The following NPAS2 variants were observed in gnomAD, a reference collection of about 807,000 sequenced individuals.
NPAS2 encodes neuronal PAS domain protein 2, also known as neuronal PAS domain-containing protein 2.
In NPAS2, 23 loss-of-function variants were observed where a neutral mutation model predicts 107.5. The ratio of observed to expected loss-of-function variants is 0.21; its 90% CI spans 0.15 to 0.30. NPAS2 has a LOEUF of 0.30. NPAS2 is among the 10% of genes least tolerant of loss of function. NPAS2 has a pLI of 1.00. For synonymous variants in NPAS2, 403 were observed against 417.5 expected, an observed-to-expected ratio of 0.97 and a Z score of 0.42; for missense variants, 756 against 1,043.3, an observed-to-expected ratio of 0.72 and a Z score of 3.79.
At chr2:100,917,673 T>A (rs1682973620) in intron 2 of NPAS2, among the ~76,000 whole-genome samples, 1 of 152,212 alleles carries the variant, frequency 6.6e-6, no homozygotes, top group South Asian at 2.1e-4. Context: ...GGAAATACTA[T>A]GAACAATTAG....
chr2:100,914,380 C>T (rs1477122866), intron 2 of NPAS2, among the ~76,000 whole-genome samples: 1 of 152,172 alleles, frequency 6.6e-6, no homozygotes, highest in Admixed American at 6.5e-5. Flanking sequence ...GCCTGAGGTG[C>T]ACATCTACTC....
intron 16 of NPAS2, chr2:100,986,641 AT>A (rs1271302910): frequency 2.6e-5 from 4 of 152,230 alleles, no homozygotes; most frequent in Non-Finnish European, 5.9e-5. Context: ...CAGGTCTGTC[AT>A]TAAATTATTA....
rs139141368 is a variant in NPAS2, at chr2:100,860,456, C to A, written c.-23+40042C>A. Among the ~76,000 whole-genome samples, 360 of 152,286 alleles carry A rather than the reference C, an allele frequency of 2.4e-3. 4 individuals are homozygous for A. The highest frequency in any genetic ancestry group is 8.3e-3 in the African/African-American group (346 of 41,558). ...TTAATTATTATGTTGTGGGAGATATCCTGAGACTATGTAAATATATTGTTT... is the reference window on the plus strand; with the variant it reads ...TTAATTATTATGTTGTGGGAGATATACTGAGACTATGTAAATATATTGTTT... On this transcript the variant is annotated intron_variant, in intron 1 of 20. Coordinates refer to ENST00000335681, the MANE Select transcript of NPAS2 (RefSeq NM_002518.4).
chr2:100,990,368 T>C lies in NPAS2; in HGVS notation c.1940T>C (p.Leu647Pro), dbSNP rs1390891484. The C allele has an allele frequency of 1.9e-6, 3 of 1,614,104 alleles. No individual in the cohort carries two copies. The Admixed American group carries it at 5.0e-5, about 27-fold the overall frequency. Residue 647 changes from leucine to proline, a missense_variant, in exon 18 of 21, where the codon CTG (leucine) becomes CCG (proline). Around this residue, in one of 4 missense-constraint regions of NPAS2, gnomAD observed 496 missense variants for 594.4 expected, o/e 0.83. Transcript: ENST00000335681. The stretch of plus-strand genomic sequence containing the variant: ...GCTGCGCTCCCGCCAAGTCTGAATC[T>C]GACCACACCTGCTTCCACCTCCCAG... ...ATAALPPSLN[L>P]TTPASTSQDA...
Position 100,968,161 on chromosome 2 carries a change from A to G in NPAS2, c.908-120A>G. On this transcript the variant is annotated intron_variant, in intron 10 of 20. Transcript: ENST00000335681. This position sits in a 1 kb window ranked among gnomAD's most constrained non-coding sequence, Gnocchi z 5.3. ...CACTTAAAATACAGGGCAACCGGGG[A>G]AACAAGCCATGTTTGGTATTGTCTT... is the stretch of plus-strand genomic sequence containing the variant. 9.4e-7 allele frequency: 1 copy of G among 1,066,896 alleles called. No homozygotes were observed. Among genetic ancestry groups the G allele is most frequent in the Non-Finnish European group, 1.4e-6 (1 of 725,298 alleles). 66.1% of individuals were successfully genotyped at this position (1,066,896 alleles called of 1,614,324 possible).
chr2:100,964,081 T>C lies in NPAS2; in HGVS notation c.622T>C (p.Phe208Leu). 6.2e-7 allele frequency: 1 copy of C among 1,613,904 alleles called. No homozygotes were observed. The highest frequency in any genetic ancestry group is 8.5e-7 in the Non-Finnish European group (1 of 1,179,802). The change falls in exon 8 of 21, where the codon TTT becomes CTT. Residue 208 changes from phenylalanine (F) to leucine (L), a missense_variant. Transcript: ENST00000335681. Reference sequence around the variant, plus strand: ...AGTGCCTAGCCCCTCCTGTAATGGTTTTGACAACACCCTTTCAAGACCTTG... The same window carrying C: ...AGTGCCTAGCCCCTCCTGTAATGGTCTTGACAACACCCTTTCAAGACCTTG... ...NNVPSPSCNG[F>L]DNTLSRPCRV...
At chr2:100,927,031 A>G (rs1189835145) in intron 3 of NPAS2, among the ~76,000 whole-genome samples, 2 of 145,364 alleles carry the variant, frequency 1.4e-5, no homozygotes, top group African/African-American at 5.2e-5. Context: ...CTCCGCCTCC[A>G]GGGTTCACAC....
intron 2 of NPAS2, among the ~76,000 whole-genome samples, chr2:100,914,854 T>A (rs552263406): frequency 5.9e-5 from 9 of 152,364 alleles, no homozygotes; most frequent in Admixed American, 3.9e-4. Context: ...AACAGCCATT[T>A]GAGGACCCTG....
intron 1 of NPAS2, chr2:100,878,521 T>A (rs576349418): frequency 2.0e-6 from 2 of 985,450 alleles, no homozygotes; most frequent in East Asian, 1.1e-4. Flanking sequence ...TTGGCTACTT[T>A]GTTTGTTCTT....
In NPAS2 at chr2:100,990,814, C is replaced by T. The variant is rs1442710851; in HGVS notation, c.2053C>T (p.Pro685Ser). 1 of 1,614,102 alleles carries T rather than the reference C, an allele frequency of 6.2e-7. No individual in the cohort carries two copies. The highest frequency in any genetic ancestry group is 8.5e-7 in the Non-Finnish European group (1 of 1,180,030). Residue 685 changes from proline (P) to serine (S), a missense_variant, in exon 19 of 21, where the codon CCC becomes TCC. Physicochemically the swap from Pro to Ser is moderately conservative, Grantham distance 74 (BLOSUM62 -1). Transcript: ENST00000335681. Reference sequence around the variant, plus strand: ...GAGCCAGCCCATCCAGCCCATGATGCCCGGGTCCTGTGACGCAAGGCAGCC... The same window carrying T: ...GAGCCAGCCCATCCAGCCCATGATGTCCGGGTCCTGTGACGCAAGGCAGCC... ...LLSQPIQPMMPGSCDARQPSE... is the reference protein window; with the variant it reads ...LLSQPIQPMMSGSCDARQPSE...
intron 7 of NPAS2, among the ~76,000 whole-genome samples, chr2:100,954,468 C>T (rs1343785823): frequency 1.3e-5 from 2 of 152,012 alleles, no homozygotes; most frequent in Non-Finnish European, 2.9e-5. Context: ...AGTTTGAGAC[C>T]AGCCTGGCCA....
intron 1 of NPAS2, among the ~76,000 whole-genome samples, chr2:100,827,138 G>A (rs1676439565): frequency 6.6e-6 from 1 of 152,154 alleles, no homozygotes; most frequent in South Asian, 2.1e-4. Flanking sequence ...AAATGGTGTT[G>A]GGAGACACAC....
chr2:100,955,645 TTG>T (rs961315238), intron 7 of NPAS2, among the ~76,000 whole-genome samples: 2 of 131,134 alleles, frequency 1.5e-5, no homozygotes, highest in African/African-American at 5.8e-5. Flanking sequence ...GTAAACTGGA[TTG>T]TGTCACTCCT....
intron 1 of NPAS2, among the ~76,000 whole-genome samples, chr2:100,851,524 T>C (rs562663238): frequency 6.6e-6 from 1 of 152,336 alleles, no homozygotes; most frequent in Admixed American, 6.5e-5. Flanking sequence ...ACCAGCGTTG[T>C]TCATGTTAGC....
intron 13 of NPAS2, 143 bp downstream of exon 13, chr2:100,975,087 C>T (rs534678877): frequency 3.7e-6 from 3 of 803,346 alleles, no homozygotes; most frequent in Non-Finnish European, 5.8e-6. Flanking sequence ...TCCTCCTTTC[C>T]TTTCCCAGAC....
Position 100,857,854 on chromosome 2 carries a change from G to C in NPAS2, c.-23+37440G>C, listed in dbSNP as rs1470307129. Among the ~76,000 whole-genome samples the C allele has an allele frequency of 2.0e-5, 3 of 152,332 alleles. No individual in the cohort carries two copies. In the East Asian group the frequency reaches 5.8e-4, roughly 29 times the overall value. Reference sequence around the variant, plus strand: ...GTATATTTTGTGATCTGTAACACTTGGTCTCTCTTATGTCTGCTTCGGAGA... The same window carrying C: ...GTATATTTTGTGATCTGTAACACTTCGTCTCTCTTATGTCTGCTTCGGAGA... On this transcript the variant is annotated intron_variant, in intron 1 of 20. Transcript: ENST00000335681.
intron 1 of NPAS2, among the ~76,000 whole-genome samples, chr2:100,892,128 C>T (rs1343600250): frequency 6.6e-6 from 1 of 152,144 alleles, no homozygotes; most frequent in East Asian, 1.9e-4. Flanking sequence ...AGAGAGTCCC[C>T]CTAAAAGGAA....
At chr2:100,935,256 G>A (rs546303973) in intron 4 of NPAS2, 156 of 194,002 alleles carry the variant, frequency 8.0e-4, no homozygotes, top group Non-Finnish European at 1.4e-3. Flanking sequence ...AATCAGAAAA[G>A]CAATCTCTTC....
chr2:100,848,099 G>A (rs1241012116), intron 1 of NPAS2, among the ~76,000 whole-genome samples: 1 of 152,230 alleles, frequency 6.6e-6, no homozygotes, highest in African/African-American at 2.4e-5. Context: ...CTTAAAGGAG[G>A]AAGCAGAGGC....
Sources: gnomAD v4.1 joint callset for allele counts (sites outside exome capture counted in the v4.1 genomes callset) on GRCh38, gnomAD v4.1.1 for gene constraint, gnomAD v4.1.1 regional missense constraint, Gnocchi (gnomAD v3.1) non-coding constraint, MANE v1.5 for transcripts, NCBI Gene and HGNC (gene_info 2026-07-23, HGNC 2026-07-21) for gene names.